The following KLC1 variants were observed in gnomAD, a reference collection of about 807,000 sequenced individuals.
KLC1 encodes kinesin light chain 1.
KLC1 carries 30 observed loss-of-function variants against 84.2 expected under a neutral mutation model. The observed-to-expected ratio is 0.36, with a 90% CI of 0.27 to 0.48. The LOEUF is 0.48. Among genes scored for constraint, KLC1 ranks in the 20% least tolerant of loss-of-function variants. The pLI, the probability that KLC1 is intolerant of heterozygous loss-of-function variation, is 0.99. For missense variants in KLC1, 499 were observed against 805.4 expected (o/e 0.62, Z 4.60); for synonymous variants, 289 against 293.3 (o/e 0.99, Z 0.15).
At chr14:103,643,941 C>T (rs1179637228) in intron 1 of KLC1, among the ~76,000 whole-genome samples, 1 of 151,972 alleles carries the variant, frequency 6.6e-6, no homozygotes, top group African/African-American at 2.4e-5. Context: ...GTTGGCTGGG[C>T]ACGGTGGCTC....
In KLC1 at chr14:103,687,123, C is replaced by T. The variant is rs1310113218; in HGVS notation, c.1693C>T (p.Leu565Phe). ...AAAACGCAGTGGTTCCTTTAGCAAA[C>T]TCCGGGCTTCCATTAGACGCAGCAG... ...SLKRSGSFSK[L>F]RASIRRSSEK... Residue 565 changes from leucine (L) to phenylalanine (F), a missense_variant, in exon 14 of 17, where the codon CTC becomes TTC. By Grantham distance (22) the Leu-to-Phe change is conservative. Transcript: ENST00000334553. 5 of 1,547,218 alleles carry T rather than the reference C, an allele frequency of 3.2e-6. No individual in the cohort carries two copies. In the African/African-American group the frequency reaches 4.1e-5, roughly 13 times the overall value.
Position 103,654,805 on chromosome 14 carries a change from C to G in KLC1, c.241C>G (p.Leu81Val). The G allele has an allele frequency of 6.2e-7, 1 of 1,614,126 alleles. No homozygotes were observed. Among genetic ancestry groups the G allele is most frequent in the Non-Finnish European group, 8.5e-7 (1 of 1,179,996 alleles). The change falls in exon 2 of 17, where the codon CTC (leucine) becomes GTC (valine). Residue 81 changes from leucine (L) to valine (V), a missense_variant. Physicochemically the swap from Leu to Val is conservative, Grantham distance 32 (BLOSUM62 1). Coordinates refer to ENST00000334553, the MANE Select transcript of KLC1 (RefSeq NM_001394837.1). ...MIRKSLEMLE[L>V]GLSEAQVMMA... ...CCGGAAGTCACTGGAGATGTTGGAG[C>G]TCGGCCTGAGTGAGGCACAGGTACG...
At chr14:103,672,508 T>TTC (rs1366317797) in intron 7 of KLC1, among the ~76,000 whole-genome samples, 1 of 152,172 alleles carries the variant, frequency 6.6e-6, no homozygotes, top group Non-Finnish European at 1.5e-5. Context: ...TGCCTGTGAG[T>TTC]TCACTAGGTG....
At chr14:103,670,141 TTATC>T in intron 6 of KLC1, 37 bp from the exon 7 acceptor site, 1 of 1,433,482 alleles carries the variant, frequency 7.0e-7, no homozygotes, top group Non-Finnish European at 9.8e-7. Flanking sequence ...TCTTATTTGG[TTATC>T]TTTTACCATT....
chr14:103,656,265 C>T (rs1595377341), intron 2 of KLC1, among the ~76,000 whole-genome samples: 1 of 152,108 alleles, frequency 6.6e-6, no homozygotes, highest in Non-Finnish European at 1.5e-5. Context: ...AGTGGCAGGT[C>T]CTTAAGCCTA....
chr14:103,663,604 G>A (rs1056325201), intron 5 of KLC1, among the ~76,000 whole-genome samples: 4 of 152,160 alleles, frequency 2.6e-5, no homozygotes, highest in Admixed American at 6.5e-5. Context: ...GGCCTGGTGC[G>A]CTGTGCCTCC....
chr14:103,669,158 C>G (rs1056096974), intron 5 of KLC1, among the ~76,000 whole-genome samples: 10 of 151,654 alleles, frequency 6.6e-5, no homozygotes, highest in Non-Finnish European at 1.5e-5. Flanking sequence ...GTAGTGAGGC[C>G]GGGCACGATG....
intron 4 of KLC1, 55 bp downstream of exon 4, chr14:103,662,249 C>T (rs754411865): frequency 1.5e-5 from 20 of 1,368,808 alleles, no homozygotes; most frequent in Non-Finnish European, 2.0e-5. Context: ...GGTGTTCCTC[C>T]TAGAACACGG....
chr14:103,684,723 C>CGTGT, intron 13 of KLC1: 1 of 444,084 alleles, frequency 2.3e-6, no homozygotes, highest in Non-Finnish European at 4.2e-6. Context: ...TGTGTGCACG[C>CGTGT]GTGTGTGTGT....
intron 13 of KLC1, chr14:103,684,034 C>T (rs115991267): frequency 0.053 from 7,991 of 152,208 alleles, 239 homozygotes; most frequent in South Asian, 0.092. Flanking sequence ...AAAAATCAGC[C>T]AGGCATGGTC....
chr14:103,655,422 C>A (rs1168495065), intron 2 of KLC1, among the ~76,000 whole-genome samples: 1 of 151,668 alleles, frequency 6.6e-6, no homozygotes, highest in African/African-American at 2.4e-5. Flanking sequence ...CCTGCCTCAG[C>A]CTCCCAAGTA....
At chr14:103,673,524 CACTTA>C (rs1453868229) in intron 9 of KLC1, 93 bp downstream of exon 9, 3 of 779,528 alleles carry the variant, frequency 3.8e-6, no homozygotes, top group Admixed American at 3.1e-5. Context: ...GTTTATTAAG[CACTTA>C]ACTTTGTACA....
At chr14:103,643,833 C>A (rs138881929) in intron 1 of KLC1, among the ~76,000 whole-genome samples, 3 of 152,186 alleles carry the variant, frequency 2.0e-5, no homozygotes, top group East Asian at 1.9e-4. Context: ...GAGGCTGAGT[C>A]AGGAGAATCA....
chr14:103,699,372 T>C (rs2082904191), intron 15 of KLC1: 1 of 1,607,314 alleles, frequency 6.2e-7, no homozygotes, highest in Non-Finnish European at 8.5e-7. Flanking sequence ...ACCTGGTTGA[T>C]GCACAGCACA....
At chr14:103,684,557 C>A (rs1256501251) in intron 13 of KLC1, among the ~76,000 whole-genome samples, 2 of 152,234 alleles carry the variant, frequency 1.3e-5, no homozygotes, top group East Asian at 3.8e-4. Context: ...GCTCCACTGC[C>A]AACCCCAGGT....
At chr14:103,642,790 C>T (rs7156832) in intron 1 of KLC1, among the ~76,000 whole-genome samples, 40,137 of 144,384 alleles carry the variant, frequency 0.28, 6,013 homozygotes, top group East Asian at 0.53. Flanking sequence ...TTTTTTGAGA[C>T]GGAGTCTCAC....
intron 1 of KLC1, among the ~76,000 whole-genome samples, chr14:103,630,313 G>C (rs1460972663): frequency 6.6e-6 from 1 of 152,116 alleles, no homozygotes. Context: ...ACATTTGTAG[G>C]TCATTTCTAG....
chr14:103,658,210 C>T (rs1322690459), intron 3 of KLC1, among the ~76,000 whole-genome samples: 2 of 152,210 alleles, frequency 1.3e-5, no homozygotes, highest in Non-Finnish European at 2.9e-5. Flanking sequence ...CCTTGGCTTC[C>T]CTTGCCAGCT....
chr14:103,645,225 G>A (rs570726684), intron 1 of KLC1, among the ~76,000 whole-genome samples: 97 of 151,890 alleles, frequency 6.4e-4, no homozygotes, highest in African/African-American at 2.1e-3. Context: ...CGCCCGCCTC[G>A]GCCTCCCAAA....
Sources: allele counts gnomAD v4.1 joint callset (sites outside exome capture counted in the v4.1 genomes callset), GRCh38; gene constraint gnomAD v4.1.1; transcripts MANE v1.5; gene names NCBI Gene and HGNC (gene_info 2026-07-23, HGNC 2026-07-21).